The following TENT5D variants were observed in gnomAD, a reference collection of about 807,000 sequenced individuals.
TENT5D encodes the protein terminal nucleotidyltransferase 5D.
For synonymous variants in TENT5D, 103 were observed against 100.6 expected (o/e 1.02, Z -0.15); for missense variants, 191 against 287.0 (o/e 0.67, Z 2.42).
chrX:80,394,654 A>G (rs776768511), intron 3 of TENT5D, among the ~76,000 whole-genome samples: 15 of 110,584 alleles, frequency 1.4e-4, no homozygotes, highest in South Asian at 3.9e-4. Flanking sequence ...TCAGCCTCCC[A>G]AAGTGCTGGG....
At position 80,409,789 on chromosome X, in the gene TENT5D, G is replaced by C. The variant is rs1421004022; in HGVS notation, c.-141-28821G>C. Among the ~76,000 whole-genome samples, 4 of 103,623 alleles carry C rather than the reference G, an allele frequency of 3.9e-5. No individual in the cohort carries two copies. In the Admixed American group the frequency reaches 4.2e-4, roughly 11 times the overall value. 90.0% of individuals were successfully genotyped at this position (103,623 alleles called of 115,157 possible). The stretch of plus-strand genomic sequence containing the variant: ...ACCAAAAAAGAGCCCGCATCGCCAA[G>C]TCAATCCTAAGCCAAAAGAACAAAG... On this transcript the variant is annotated intron_variant, in intron 3 of 4. Transcript: ENST00000538312.
At chrX:80,335,555 G>C (rs1929830313) in exon 1 of TENT5D, 2 of 111,590 alleles carry the variant, frequency 1.8e-5, no homozygotes, top group Admixed American at 1.9e-4. Flanking sequence ...GTCTAACCTG[G>C]CACCTAAAGG....
intron 2 of TENT5D, among the ~76,000 whole-genome samples, chrX:80,337,964 C>G (rs1288439784): frequency 9.0e-6 from 1 of 111,408 alleles, no homozygotes; most frequent in Non-Finnish European, 1.9e-5. Context: ...GGGGTTTCAC[C>G]GTGTTGCCCA....
chrX:80,420,770 A>G (rs191084724), intron 1 of TENT5D, among the ~76,000 whole-genome samples: 2 of 112,176 alleles, frequency 1.8e-5, no homozygotes, highest in African/African-American at 6.5e-5. Flanking sequence ...GGGCATCAAT[A>G]ATTGTTTTAA....
At chrX:80,392,641 C>T (rs1270694100) in intron 3 of TENT5D, among the ~76,000 whole-genome samples, 7 of 103,147 alleles carry the variant, frequency 6.8e-5, no homozygotes, top group Admixed American at 2.1e-4. Context: ...CTCAGCCTCC[C>T]GAGTAGCTGG....
chrX:80,387,832 C>A (rs1290821945), intron 3 of TENT5D, among the ~76,000 whole-genome samples: 1 of 111,710 alleles, frequency 9.0e-6, no homozygotes, highest in Non-Finnish European at 1.9e-5. Flanking sequence ...TTTAGGGCAG[C>A]AAGTTCCCAT....
rs546036008 is a variant in TENT5D at position 80,368,498 on chromosome X, A to G, written c.-142+25934A>G. Among the ~76,000 whole-genome samples the G allele has an allele frequency of 2.9e-4, 32 of 111,579 alleles. 1 individual carries two copies. The South Asian group carries it at 0.012, about 41-fold the overall frequency. ...AAGGCAGAGATTCTATTCATCTTTT[A>G]TCTTGTTGGTCTGTCATAGTGCCCG... is the stretch of plus-strand genomic sequence containing the variant. On this transcript the variant is annotated intron_variant, in intron 3 of 4. Transcript: ENST00000538312.
At chrX:80,402,262 T>G (rs1009662074) in intron 3 of TENT5D, among the ~76,000 whole-genome samples, 2 of 111,942 alleles carry the variant, frequency 1.8e-5, no homozygotes, top group African/African-American at 6.5e-5. Flanking sequence ...GTTTTATTTC[T>G]GATTTTATTT....
intron 3 of TENT5D, among the ~76,000 whole-genome samples, chrX:80,344,146 T>C (rs1366967912): frequency 9.0e-6 from 1 of 110,894 alleles, no homozygotes; most frequent in African/African-American, 3.3e-5. Context: ...TTCTTATGGC[T>C]GTGTAACATT....
intron 3 of TENT5D, among the ~76,000 whole-genome samples, chrX:80,359,488 A>G (rs1930361685): frequency 9.0e-6 from 1 of 110,784 alleles, no homozygotes; most frequent in Non-Finnish European, 1.9e-5. Flanking sequence ...GAATGAGTTC[A>G]TCGTGGATGA....
chrX:80,409,597 G>C (rs1284555908), intron 3 of TENT5D, among the ~76,000 whole-genome samples: 1 of 110,822 alleles, frequency 9.0e-6, no homozygotes, highest in African/African-American at 3.3e-5. Flanking sequence ...AAATAAAAGA[G>C]GATACAAACA....
At chrX:80,372,285 A>G in intron 3 of TENT5D, among the ~76,000 whole-genome samples, 1 of 111,749 alleles carries the variant, frequency 8.9e-6, no homozygotes, top group East Asian at 2.8e-4. Context: ...GCAATTTGCT[A>G]TACTATGTAT....
chrX:80,422,737 T>A (rs1186351879), intron 1 of TENT5D, among the ~76,000 whole-genome samples: 1 of 111,266 alleles, frequency 9.0e-6, no homozygotes, highest in Non-Finnish European at 1.9e-5. Context: ...TTGGGATGAG[T>A]TTCTACTTTT....
At chrX:80,369,147 G>A (rs1034621879) in intron 3 of TENT5D, among the ~76,000 whole-genome samples, 8 of 111,464 alleles carry the variant, frequency 7.2e-5, no homozygotes, top group Non-Finnish European at 1.5e-4. Context: ...TGACTTGAGG[G>A]CTTAGATTAT....
At chrX:80,366,208 A>AGTGC (rs1930508117) in intron 3 of TENT5D, among the ~76,000 whole-genome samples, 1 of 98,462 alleles carries the variant, frequency 1.0e-5, no homozygotes, top group Non-Finnish European at 2.0e-5. Flanking sequence ...GAAGACAGGG[A>AGTGC]GTGTGTGTGT....
chrX:80,351,773 C>T (rs772058161), intron 3 of TENT5D, among the ~76,000 whole-genome samples: 3 of 111,375 alleles, frequency 2.7e-5, no homozygotes, highest in Non-Finnish European at 3.8e-5. Context: ...GGTTTTTCCT[C>T]GTGTTCGTGG....
chrX:80,361,331 G>A (rs1206476707), intron 3 of TENT5D, among the ~76,000 whole-genome samples: 1 of 111,806 alleles, frequency 8.9e-6, no homozygotes, highest in African/African-American at 3.2e-5. Context: ...TGTTATGACC[G>A]GAGGTTCAAG....
chrX:80,386,555 TAAAAA>T (rs897600741), intron 3 of TENT5D, among the ~76,000 whole-genome samples: 5 of 109,477 alleles, frequency 4.6e-5, no homozygotes, highest in African/African-American at 1.7e-4. Context: ...TAAAGTATAA[TAAAAA>T]AAATAAAAAT....
chrX:80,400,372 C>A (rs1286206127), intron 3 of TENT5D, among the ~76,000 whole-genome samples: 1 of 111,519 alleles, frequency 9.0e-6, no homozygotes, highest in Non-Finnish European at 1.9e-5. Context: ...TATGGAAACA[C>A]CCTCACGGAC....
Sources: allele counts gnomAD v4.1 joint callset (sites outside exome capture counted in the v4.1 genomes callset), GRCh38; gene constraint gnomAD v4.1.1; transcripts MANE v1.5; gene names NCBI Gene and HGNC (gene_info 2026-07-23, HGNC 2026-07-21).